C1QTNF12: variants seen among roughly 807,000 people sequenced by gnomAD.
C1QTNF12 encodes the protein adipolin.
A neutral mutation model predicts 34.3 loss-of-function variants in C1QTNF12; 39 were observed. The ratio of observed to expected loss-of-function variants is 1.14; its 90% CI spans 0.88 to 1.49. C1QTNF12 has a LOEUF of 1.49. C1QTNF12 is among the 40% of genes most tolerant of loss of function. The pLI is 0.00. For missense variants in C1QTNF12, 497 were observed against 424.7 expected, an observed-to-expected ratio of 1.17 and a Z score of -1.50; for synonymous variants, 220 against 196.9, an observed-to-expected ratio of 1.12 and a Z score of -0.98.
chr1:1,243,019 G>A lies in C1QTNF12; in HGVS notation c.731+43C>T, dbSNP rs1390002718. 4 of 1,555,286 alleles carry A rather than the reference G, an allele frequency of 2.6e-6. No homozygotes were observed. The South Asian group carries it at 3.5e-5, about 14-fold the overall frequency. On this transcript the variant is annotated intron_variant, in intron 6 of 7. Transcript: ENST00000330388. ...GTGGCCTGTGAGCCCCTCCAAGGGT[G>A]GTCCGGGGGCTGCCGCCTGGAGCGG... is the stretch of plus-strand genomic sequence containing the variant.
intron 2 of C1QTNF12, 50 bp downstream of exon 2, chr1:1,244,331 C>T: frequency 6.3e-7 from 1 of 1,595,832 alleles, no homozygotes; most frequent in Non-Finnish European, 8.6e-7. Flanking sequence ...GGAGCTACCA[C>T]CACACCCTGT....
intron 5 of C1QTNF12, 36 bp downstream of exon 5, chr1:1,243,408 C>T (rs1452291646): frequency 2.6e-6 from 4 of 1,528,980 alleles, no homozygotes; most frequent in Non-Finnish European, 3.5e-6. Flanking sequence ...AGCCCCAGCC[C>T]CGTCACAGCA....
intron 7 of C1QTNF12, 28 bp downstream of exon 7, chr1:1,242,807 C>T: frequency 6.2e-7 from 1 of 1,610,884 alleles, no homozygotes; most frequent in Non-Finnish European, 8.5e-7. Flanking sequence ...CACCCGAGCC[C>T]TCCCGCTCAC....
rs1008098383 is a variant in C1QTNF12 at position 1,243,490 on chromosome 1, C to T, written c.594G>A (p.Thr198=). ...SGLSLASGRF[T]APVSGIFQFS... ...ACTGGAAGATGCCGGACACGGGGGCCGTGAACCGACCCGAGGCCAGGCTCA... is the reference window on the plus strand; with the variant it reads ...ACTGGAAGATGCCGGACACGGGGGCTGTGAACCGACCCGAGGCCAGGCTCA... Residue 198 remains threonine, a synonymous_variant, in exon 5 of 8, where the codon ACG becomes ACA. Coordinates refer to ENST00000330388, the MANE Select transcript of C1QTNF12 (RefSeq NM_001014980.3). 17 of 1,560,280 alleles carry T rather than the reference C, an allele frequency of 1.1e-5. No individual in the cohort carries two copies. In the African/African-American group the frequency reaches 1.4e-4, roughly 13 times the overall value.
Position 1,242,844 on chromosome 1 carries a change from C to G in C1QTNF12, c.801G>C (p.Leu267=), listed in dbSNP as rs1386305609. The change falls in exon 7 of 8, where the codon CTG becomes CTC. Residue 267 remains leucine (L), a synonymous_variant. Coordinates refer to ENST00000330388, the MANE Select transcript of C1QTNF12 (RefSeq NM_001014980.3). Reference sequence around the variant, plus strand: ...CCCGGCCCGGACTCACCTGCAGCTGCAGCAGCCCCTGCACCTGTAGCGTGA... The same window carrying G: ...CCCGGCCCGGACTCACCTGCAGCTGGAGCAGCCCCTGCACCTGTAGCGTGA... The part of the protein sequence containing the change: ...RVFTLQVQGL[L]QLQAGQYASV... 5 of 1,612,198 alleles carry G rather than the reference C, an allele frequency of 3.1e-6. No individual in the cohort carries two copies. The African/African-American group carries it at 6.7e-5, about 22-fold the overall frequency.
intron 7 of C1QTNF12, 43 bp downstream of exon 7, chr1:1,242,792 G>T (rs376266798): frequency 1.2e-6 from 2 of 1,601,382 alleles, no homozygotes; most frequent in Non-Finnish European, 1.7e-6. Flanking sequence ...GGCCCAGCCC[G>T]AGTGCACCCG....
chr1:1,246,429 G>T lies in C1QTNF12; in HGVS notation c.177+85C>A. On this transcript the variant is annotated intron_variant, in intron 1 of 7. Coordinates refer to ENST00000330388, the MANE Select transcript of C1QTNF12 (RefSeq NM_001014980.3). This position sits in a 1 kb window ranked among gnomAD's most constrained non-coding sequence, Gnocchi z 4.5. Reference sequence around the variant, plus strand: ...GGCGACCCGGAGGCAGAGCCGGCAGGGACAGAGCCTGCTGGGGGAGGACGC... The same window carrying T: ...GGCGACCCGGAGGCAGAGCCGGCAGTGACAGAGCCTGCTGGGGGAGGACGC... 1 of 1,140,990 alleles carries T rather than the reference G, an allele frequency of 8.8e-7. No individual in the cohort carries two copies. Among genetic ancestry groups the T allele is most frequent in the Non-Finnish European group, 1.1e-6 (1 of 906,362 alleles). 70.7% of individuals were successfully genotyped at this position (1,140,990 alleles called of 1,614,324 possible). A position where few individuals can be genotyped will look rare whatever the true frequency, so the allele number is the denominator to read the frequency against.
chr1:1,246,430 G>A lies in C1QTNF12; in HGVS notation c.177+84C>T. 8.8e-7 allele frequency: 1 copy of A among 1,140,456 alleles called. No homozygotes were observed. The highest frequency in any genetic ancestry group is 1.1e-6 in the Non-Finnish European group (1 of 905,846). 70.6% of individuals were successfully genotyped at this position (1,140,456 alleles called of 1,614,324 possible). ...GCGACCCGGAGGCAGAGCCGGCAGG[G>A]ACAGAGCCTGCTGGGGGAGGACGCC... On this transcript the variant is annotated intron_variant, in intron 1 of 7. Coordinates refer to ENST00000330388, the MANE Select transcript of C1QTNF12 (RefSeq NM_001014980.3). The surrounding 1 kb of genome is among the most constrained non-coding windows in gnomAD (Gnocchi z 4.5).
intron 3 of C1QTNF12, 22 bp downstream of exon 3, chr1:1,244,169 T>C (rs1203509561): frequency 1.3e-6 from 2 of 1,566,974 alleles, no homozygotes; most frequent in Non-Finnish European, 1.7e-6. Context: ...GTCTGGTCTC[T>C]GGGCAGTGCA....
rs775250367 is a variant in C1QTNF12 at position 1,243,942 on chromosome 1, G to C, written c.531+12C>G. On this transcript the variant is annotated intron_variant, in intron 4 of 7. Transcript: ENST00000330388. ...ACCCAACACCCCGCTCTAAGCTCCC[G>C]GCTCCACTCACAGCCTGGAAACCAT... The C allele has an allele frequency of 2.5e-6, 4 of 1,601,318 alleles. No individual in the cohort carries two copies. Among genetic ancestry groups the C allele is most frequent in the Non-Finnish European group, 3.4e-6 (4 of 1,174,650 alleles).
intron 1 of C1QTNF12, among the ~76,000 whole-genome samples, chr1:1,245,639 G>C (rs1024180007): frequency 6.6e-6 from 1 of 152,066 alleles, no homozygotes; most frequent in Non-Finnish European, 1.5e-5. Context: ...CTGCCAGCCT[G>C]GCCCTAGCGC....
At chr1:1,244,135 A>C in intron 3 of C1QTNF12, 30 bp from the exon 4 acceptor site, 3 of 1,563,502 alleles carry the variant, frequency 1.9e-6, no homozygotes, top group Non-Finnish European at 2.6e-6. Flanking sequence ...GGCGGCCAGC[A>C]GGGTCAGCAC....
At position 1,243,454 on chromosome 1, in the gene C1QTNF12, A is replaced by G. The variant is rs1457814566; in HGVS notation, c.630T>C (p.Ser210=). 62 of 1,555,504 alleles carry G rather than the reference A, an allele frequency of 4.0e-5. No homozygotes were observed. The highest frequency in any genetic ancestry group is 5.2e-5 in the Non-Finnish European group (60 of 1,149,716). Residue 210 remains serine (S), a synonymous_variant, in exon 5 of 8, where the codon AGT becomes AGC. Coordinates refer to ENST00000330388, the MANE Select transcript of C1QTNF12 (RefSeq NM_001014980.3). ...CCCCATCCGGCTCACCCACGTGCAG[A>G]CTGGCAGAGAACTGGAAGATGCCGG... is the stretch of plus-strand genomic sequence containing the variant. The part of the protein sequence containing the change: ...PVSGIFQFSA[S]LHVDHSELQG...
At chr1:1,243,859 C>CA in intron 4 of C1QTNF12, 95 bp downstream of exon 4, 1 of 1,444,354 alleles carries the variant, frequency 6.9e-7, no homozygotes. Flanking sequence ...CCCCAACCCA[C>CA]ATGCTGCCCC....
chr1:1,244,645 C>T (rs918929218), intron 1 of C1QTNF12, 148 bp from the exon 2 acceptor site: 2 of 648,134 alleles, frequency 3.1e-6, no homozygotes, highest in African/African-American at 1.8e-5. Context: ...GGAGTCAGAA[C>T]CCTGACGTCC....
At chr1:1,244,652 G>A (rs1027009490) in intron 1 of C1QTNF12, 155 bp from the exon 2 acceptor site, 11 of 635,008 alleles carry the variant, frequency 1.7e-5, no homozygotes, top group East Asian at 7.9e-5. Flanking sequence ...GAACCCTGAC[G>A]TCCCAATGCC....
At position 1,243,490 on chromosome 1, in the gene C1QTNF12, C is replaced by A; in HGVS notation, c.594G>T (p.Thr198=). 1 of 1,560,398 alleles carries A rather than the reference C, an allele frequency of 6.4e-7. No homozygotes were observed. Among genetic ancestry groups the A allele is most frequent in the Non-Finnish European group, 8.7e-7 (1 of 1,152,258 alleles). Residue 198 remains threonine (T), a synonymous_variant, in exon 5 of 8, where the codon ACG becomes ACT. Transcript: ENST00000330388. ...SGLSLASGRF[T]APVSGIFQFS... is the part of the protein sequence containing the mutation. ...ACTGGAAGATGCCGGACACGGGGGC[C>A]GTGAACCGACCCGAGGCCAGGCTCA...
chr1:1,243,491 G>C lies in C1QTNF12; in HGVS notation c.593C>G (p.Thr198Arg). 6.4e-7 allele frequency: 1 copy of C among 1,560,452 alleles called. No homozygotes were observed. The highest frequency in any genetic ancestry group is 1.4e-5 in the African/African-American group (1 of 73,486). ...SGLSLASGRFTAPVSGIFQFS... is the reference protein window; with the variant it reads ...SGLSLASGRFRAPVSGIFQFS... ...CTGGAAGATGCCGGACACGGGGGCC[G>C]TGAACCGACCCGAGGCCAGGCTCAG... is the stretch of plus-strand genomic sequence containing the variant. Residue 198 changes from threonine to arginine, a missense_variant, in exon 5 of 8, where the codon ACG becomes AGG. Thr to Arg is a moderately conservative substitution (Grantham distance 71). Transcript: ENST00000330388.
intron 4 of C1QTNF12, 151 bp from the exon 5 acceptor site, chr1:1,243,703 C>A: frequency 1.2e-6 from 1 of 805,864 alleles, no homozygotes; most frequent in Non-Finnish European, 2.0e-6. Flanking sequence ...CAGGACTGAC[C>A]CTCGAGTCCA....
Sources: allele counts gnomAD v4.1 joint callset (sites outside exome capture counted in the v4.1 genomes callset), GRCh38; gene constraint gnomAD v4.1.1; non-coding constraint Gnocchi (gnomAD v3.1); transcripts MANE v1.5; gene names NCBI Gene and HGNC (gene_info 2026-07-23, HGNC 2026-07-21).